Variants in UBR1 observed in about 807,000 individuals in gnomAD.
UBR1 encodes the protein E3 ubiquitin-protein ligase UBR1.
In UBR1, 102 loss-of-function variants were observed where a neutral mutation model predicts 242.1. The observed-to-expected ratio is 0.42, with a 90% CI of 0.36 to 0.50. The LOEUF (loss-of-function observed/expected upper bound fraction) is 0.50. UBR1 is among the 20% of genes least tolerant of loss of function. The pLI is 0.01. For missense variants in UBR1, 1,772 were observed against 2,101.8 expected (o/e 0.84, Z 3.07); for synonymous variants, 675 against 684.8 (o/e 0.99, Z 0.22).
chr15:43,074,287 G>C (rs1031826550), intron 4 of UBR1, among the ~76,000 whole-genome samples: 1 of 151,932 alleles, frequency 6.6e-6, no homozygotes, highest in African/African-American at 2.4e-5. Flanking sequence ...CCTTGACTGG[G>C]ATATATCTAT....
intron 15 of UBR1, among the ~76,000 whole-genome samples, chr15:43,039,819 C>T (rs897186061): frequency 6.6e-6 from 1 of 152,050 alleles, no homozygotes; most frequent in African/African-American, 2.4e-5. Context: ...GTGGGTTTGT[C>T]ATAAATAGCT....
At chr15:43,006,603 T>C (rs2032834291) in intron 30 of UBR1, among the ~76,000 whole-genome samples, 1 of 152,236 alleles carries the variant, frequency 6.6e-6, no homozygotes, top group African/African-American at 2.4e-5. Context: ...ATAATGATGC[T>C]AAAGCAGCTA....
rs547227531 is a variant in UBR1, at chr15:42,970,510, T to C, written c.4457+10A>G. On this transcript the variant is annotated intron_variant, in intron 40 of 46. Coordinates refer to ENST00000290650, the MANE Select transcript of UBR1 (RefSeq NM_174916.3). ...ATTACAATAGACTGAACTAATGGAT[T>C]GTTACTCACCCACTTGTATATTGAG... The C allele has an allele frequency of 6.0e-5, 97 of 1,610,516 alleles. No homozygotes were observed. The South Asian group carries it at 9.4e-4, about 16-fold the overall frequency.
intron 12 of UBR1, among the ~76,000 whole-genome samples, chr15:43,049,872 G>C (rs1057382548): frequency 1.3e-5 from 2 of 152,116 alleles, no homozygotes; most frequent in Non-Finnish European, 2.9e-5. Flanking sequence ...CCACTAACCA[G>C]CAGCACCAGC....
At chr15:43,048,249 T>A in intron 13 of UBR1, 143 bp downstream of exon 13, 2 of 658,052 alleles carry the variant, frequency 3.0e-6, no homozygotes, top group African/African-American at 3.7e-5. Context: ...CAAAACAGGA[T>A]GAGTGAGTCA....
chr15:42,979,925 T>C (rs1286530022), intron 37 of UBR1, among the ~76,000 whole-genome samples: 1 of 152,194 alleles, frequency 6.6e-6, no homozygotes, highest in Non-Finnish European at 1.5e-5. Flanking sequence ...TTATTAATAT[T>C]GGCTACATAA....
In UBR1 at chr15:43,097,802, T is replaced by C. The variant is rs575093867; in HGVS notation, c.81+8140A>G. On this transcript the variant is annotated intron_variant, in intron 1 of 46. Transcript: ENST00000290650. The stretch of plus-strand genomic sequence containing the variant: ...GATTAGGTTTTGCCTTAAGGGAATA[T>C]TGTGGCTGGTTCAATCTTCTATCCA... Among the ~76,000 whole-genome samples the C allele has an allele frequency of 5.3e-5, 8 of 152,362 alleles. No individual in the cohort carries two copies. In the East Asian group the frequency reaches 1.3e-3, roughly 26 times the overall value.
chr15:43,034,816 G>C (rs1022332493), intron 19 of UBR1, among the ~76,000 whole-genome samples: 1 of 151,368 alleles, frequency 6.6e-6, no homozygotes, highest in African/African-American at 2.4e-5. Flanking sequence ...ACCCGGGGTG[G>C]GCAGAGGTTA....
chr15:42,944,394 T>G lies in UBR1; in HGVS notation c.*935A>C, dbSNP rs1391262181. The G allele has an allele frequency of 6.6e-6, 1 of 152,558 alleles. No homozygotes were observed. The highest frequency in any genetic ancestry group is 1.5e-5 in the Non-Finnish European group (1 of 68,050). The allele number at this position is 152,558 out of a possible 1,614,324, so 9.5% of individuals were successfully genotyped here. ...ACACAGACAACATCAAGGATTTGTC[T>G]TTTACAAAGATATAGAAGACTGCGG... is the stretch of plus-strand genomic sequence containing the variant. On this transcript the variant is annotated 3_prime_UTR_variant, in exon 47 of 47. Transcript: ENST00000290650.
At chr15:43,031,269 A>C (rs1038511002) in intron 20 of UBR1, among the ~76,000 whole-genome samples, 13 of 152,286 alleles carry the variant, frequency 8.5e-5, no homozygotes, top group African/African-American at 2.6e-4. Context: ...GAAAAAAAAA[A>C]CAATAAATTT....
At chr15:43,020,707 A>G (rs1297510101) in intron 27 of UBR1, among the ~76,000 whole-genome samples, 3 of 152,120 alleles carry the variant, frequency 2.0e-5, no homozygotes, top group Non-Finnish European at 4.4e-5. Flanking sequence ...CTCATTGCCC[A>G]CTTTTCCATC....
intron 40 of UBR1, among the ~76,000 whole-genome samples, chr15:42,967,761 C>T (rs2032133302): frequency 6.6e-6 from 1 of 151,296 alleles, no homozygotes; most frequent in African/African-American, 2.4e-5. Context: ...TTCTGTAAAC[C>T]TAAAATGTCT....
chr15:43,046,373 A>T (rs921477346), intron 14 of UBR1, among the ~76,000 whole-genome samples: 3 of 152,226 alleles, frequency 2.0e-5, no homozygotes, highest in African/African-American at 7.2e-5. Context: ...AAAGGCAAGA[A>T]AGGAGGCTTT....
chr15:43,042,301 T>C (rs1486152106), intron 15 of UBR1, among the ~76,000 whole-genome samples: 1 of 152,098 alleles, frequency 6.6e-6, no homozygotes, highest in East Asian at 1.9e-4. Flanking sequence ...AACGGATAAA[T>C]GGATGAACAA....
At chr15:43,098,591 T>C in intron 1 of UBR1, among the ~76,000 whole-genome samples, 1 of 152,176 alleles carries the variant, frequency 6.6e-6, no homozygotes. Context: ...CAAAAACCTT[T>C]TCATTTGCAG....
At chr15:43,059,871 C>T (rs1222507728) in intron 7 of UBR1, 46 bp from the exon 8 acceptor site, 1 of 1,611,344 alleles carries the variant, frequency 6.2e-7, no homozygotes, top group Non-Finnish European at 8.5e-7. Context: ...TTAAAATTTG[C>T]TTTTAGTTAA....
chr15:43,042,150 T>A (rs1199038158), intron 15 of UBR1, among the ~76,000 whole-genome samples: 1 of 152,118 alleles, frequency 6.6e-6, no homozygotes, highest in African/African-American at 2.4e-5. Flanking sequence ...AAACATAGAA[T>A]TCCCAAATGA....
chr15:43,083,897 A>C (rs773361541), intron 2 of UBR1, among the ~76,000 whole-genome samples: 2 of 151,890 alleles, frequency 1.3e-5, no homozygotes, highest in African/African-American at 2.4e-5. Flanking sequence ...ACAAAAAATT[A>C]GCCAGGCATG....
intron 1 of UBR1, 25 bp from the exon 2 acceptor site, chr15:43,086,265 A>G: frequency 6.2e-7 from 1 of 1,612,970 alleles, no homozygotes; most frequent in Non-Finnish European, 8.5e-7. Flanking sequence ...GATGAAAATT[A>G]GACTGACTTA....
Sources: allele counts gnomAD v4.1 joint callset (sites outside exome capture counted in the v4.1 genomes callset), GRCh38; gene constraint gnomAD v4.1.1; transcripts MANE v1.5; gene names NCBI Gene and HGNC (gene_info 2026-07-23, HGNC 2026-07-21).